MMP17: variants seen among roughly 807,000 people sequenced by gnomAD.
MMP17 encodes matrix metalloproteinase-17.
MMP17 carries 54 observed loss-of-function variants against 49.1 expected under a neutral mutation model. The ratio of observed to expected loss-of-function variants is 1.10; its 90% confidence interval spans 0.88 to 1.38. MMP17 has a LOEUF of 1.38. MMP17 is among the 40% of genes most tolerant of loss of function. The pLI, the probability that MMP17 is intolerant of heterozygous loss-of-function variation, is 0.00. For missense variants in MMP17, 837 were observed against 853.7 expected, an observed-to-expected ratio of 0.98 and a Z score of 0.24; for synonymous variants, 397 against 383.1, an observed-to-expected ratio of 1.04 and a Z score of -0.42.
At chr12:131,850,108 A>G (rs765122723) in intron 9 of MMP17, 49 bp downstream of exon 9, 1 of 1,544,434 alleles carries the variant, frequency 6.5e-7, no homozygotes, top group Non-Finnish European at 8.7e-7. Flanking sequence ...TTTCCCCACC[A>G]GGAGAGGGGC....
intron 8 of MMP17, among the ~76,000 whole-genome samples, chr12:131,849,294 G>C (rs1402505450): frequency 6.6e-6 from 1 of 152,130 alleles, no homozygotes; most frequent in African/African-American, 2.4e-5. Context: ...GACCAGCCTG[G>C]CCAACATGGT....
chr12:131,831,703 C>T (rs4964927), intron 1 of MMP17, among the ~76,000 whole-genome samples: 62,692 of 146,848 alleles, frequency 0.43, 13,631 homozygotes, highest in South Asian at 0.59. Flanking sequence ...CTTTGCCACC[C>T]AACTAAGTGC....
Position 131,846,764 on chromosome 12 carries a change from G to A in MMP17, c.1204+1315G>A, listed in dbSNP as rs929850218. ...TCACGTCCTGAGATTCTGGGTGGAT[G>A]TGAGTTTGGAGGACGTCATTCAATC... On this transcript the variant is annotated intron_variant, in intron 8 of 9. Coordinates refer to ENST00000360564, the MANE Select transcript of MMP17 (RefSeq NM_016155.7). The surrounding 1 kb of genome is among the most constrained non-coding windows in gnomAD (Gnocchi z 4.6). 9.2e-5 allele frequency among the ~76,000 whole-genome samples: 14 copies of A among 152,216 alleles called. No homozygotes were observed. Among genetic ancestry groups the A allele is most frequent in the African/African-American group, 2.4e-4 (10 of 41,460 alleles).
intron 6 of MMP17, 190 bp from the exon 7 acceptor site, chr12:131,844,928 C>G (rs777322323): frequency 6.5e-4 from 248 of 378,800 alleles, no homozygotes; most frequent in Admixed American, 1.3e-4. Flanking sequence ...TAGATCTCGG[C>G]CCCCGCCCGC....
intron 5 of MMP17, among the ~76,000 whole-genome samples, chr12:131,843,174 G>A (rs977450478): frequency 1.3e-5 from 2 of 151,380 alleles, no homozygotes; most frequent in Non-Finnish European, 2.9e-5. Context: ...TTCACTGTTA[G>A]CCAGGATGGT....
intron 1 of MMP17, among the ~76,000 whole-genome samples, chr12:131,835,506 T>TG (rs1268840038): frequency 6.6e-6 from 1 of 151,750 alleles, no homozygotes. Context: ...GGGACCAGAG[T>TG]GGGGGGTGCC....
chr12:131,828,440 C>G lies in MMP17; in HGVS notation c.-55C>G, dbSNP rs992859042. 3 of 962,652 alleles carry G rather than the reference C, an allele frequency of 3.1e-6. No individual in the cohort carries two copies. In the African/African-American group the frequency reaches 5.3e-5, roughly 17 times the overall value. 59.6% of individuals were successfully genotyped at this position (962,652 alleles called of 1,614,324 possible). On this transcript the variant is annotated 5_prime_UTR_variant, in exon 1 of 10. Coordinates refer to ENST00000360564, the MANE Select transcript of MMP17 (RefSeq NM_016155.7). ...GAGCGGAGGGCGCCGGGCTGCGGAA[C>G]GCGAAGCGGAGGGCGCGGGACCCTG... is the stretch of plus-strand genomic sequence containing the variant.
At chr12:131,838,549 G>A (rs2136319959) in intron 2 of MMP17, 63 bp from the exon 3 acceptor site, 1 of 1,547,672 alleles carries the variant, frequency 6.5e-7, no homozygotes, top group African/African-American at 1.4e-5. Flanking sequence ...CCTTGCGGAT[G>A]CTCGGGATCC....
chr12:131,843,731 C>T (rs548336187), intron 5 of MMP17, among the ~76,000 whole-genome samples: 2 of 152,328 alleles, frequency 1.3e-5, no homozygotes, highest in South Asian at 2.1e-4. Context: ...CCTGTGGGAA[C>T]GCCTGTCTTC....
rs745545673 is a variant in MMP17 at position 131,841,705 on chromosome 12, A to G, written c.788A>G (p.His263Arg). Reference sequence around the variant, plus strand: ...GGGTTAAGCCATGTGGCCGCTGCACACTCCATCATGCGGCCGTACTACCAG... The same window carrying G: ...GGGTTAAGCCATGTGGCCGCTGCACGCTCCATCATGCGGCCGTACTACCAG... ...AIGLSHVAAAHSIMRPYYQGP... is the reference protein window; with the variant it reads ...AIGLSHVAAARSIMRPYYQGP... The change falls in exon 5 of 10, where the codon CAC becomes CGC. Residue 263 changes from histidine (H) to arginine (R), a missense_variant. By Grantham distance (29) the His-to-Arg change is conservative. Coordinates refer to ENST00000360564, the MANE Select transcript of MMP17 (RefSeq NM_016155.7). The G allele has an allele frequency of 3.4e-5, 55 of 1,613,520 alleles. No homozygotes were observed. Among genetic ancestry groups the G allele is most frequent in the Non-Finnish European group, 4.6e-5 (54 of 1,179,912 alleles).
At chr12:131,838,798 G>A (rs1887226649) in intron 3 of MMP17, 57 bp downstream of exon 3, 1 of 1,516,608 alleles carries the variant, frequency 6.6e-7, no homozygotes, top group African/African-American at 1.4e-5. Context: ...CGCGTGGCCA[G>A]GGTGAGGAAC....
chr12:131,851,176 G>T lies in MMP17; in HGVS notation c.1714G>T (p.Gly572Trp). The T allele has an allele frequency of 6.7e-7, 1 of 1,481,794 alleles. No individual in the cohort carries two copies. The highest frequency in any genetic ancestry group is 9.0e-7 in the Non-Finnish European group (1 of 1,112,656). 91.8% of individuals were successfully genotyped at this position (1,481,794 alleles called of 1,614,324 possible). ...SCTSGASSPPGAPGPLVAATM... is the reference protein window; with the variant it reads ...SCTSGASSPPWAPGPLVAATM... The stretch of plus-strand genomic sequence containing the variant: ...CACCTCTGGGGCATCCTCTCCCCCG[G>T]GGGCCCCAGGCCCACTGGTGGCTGC... Residue 572 changes from glycine to tryptophan, a missense_variant, in exon 10 of 10, where the codon GGG becomes TGG. Physicochemically the swap from Gly to Trp is radical, Grantham distance 184. Coordinates refer to ENST00000360564, the MANE Select transcript of MMP17 (RefSeq NM_016155.7).
intron 1 of MMP17, among the ~76,000 whole-genome samples, chr12:131,831,726 T>A (rs990115562): frequency 3.5e-5 from 5 of 142,518 alleles, no homozygotes; most frequent in African/African-American, 1.3e-4. Context: ...GGCCTCAGTC[T>A]CCCTGTCTGC....
At position 131,828,512 on chromosome 12, in the gene MMP17, C is replaced by T. The variant is rs999705130; in HGVS notation, c.18C>T (p.Ala6=). MRRRA[A]RGPGPPPPGP... is the part of the protein sequence containing the mutation. The stretch of plus-strand genomic sequence containing the variant: ...TGAGCGCCATGCGGCGCCGCGCAGC[C>T]CGGGGACCCGGCCCGCCGCCCCCAG... The change falls in exon 1 of 10, where the codon GCC becomes GCT. Residue 6 remains alanine (A), a synonymous_variant. Coordinates refer to ENST00000360564, the MANE Select transcript of MMP17 (RefSeq NM_016155.7). The T allele has an allele frequency of 3.0e-6, 3 of 994,174 alleles. No homozygotes were observed. The highest frequency in any genetic ancestry group is 3.6e-6 in the Non-Finnish European group (3 of 837,052). The allele number at this position is 994,174 out of a possible 1,614,324, so 61.6% of individuals were successfully genotyped here. A position where few individuals can be genotyped will look rare whatever the true frequency, so the allele number is the denominator to read the frequency against.
chr12:131,829,238 G>A (rs1284288894), intron 1 of MMP17, among the ~76,000 whole-genome samples: 1 of 152,172 alleles, frequency 6.6e-6, no homozygotes, highest in Non-Finnish European at 1.5e-5. Context: ...CCCCAGGTCG[G>A]CCAGGCTGGC....
intron 5 of MMP17, among the ~76,000 whole-genome samples, chr12:131,842,551 A>G (rs973404358): frequency 6.6e-6 from 1 of 152,186 alleles, no homozygotes; most frequent in Admixed American, 6.5e-5. Flanking sequence ...AGGCGGGTGG[A>G]TCACTTGAGG....
chr12:131,828,984 G>A (rs1886656535), intron 1 of MMP17, among the ~76,000 whole-genome samples: 1 of 152,176 alleles, frequency 6.6e-6, no homozygotes, highest in Admixed American at 6.5e-5. Flanking sequence ...CGGAGCAGCC[G>A]GGCTGGGCGA....
intron 6 of MMP17, 100 bp from the exon 7 acceptor site, chr12:131,845,018 G>T: frequency 8.3e-7 from 1 of 1,209,030 alleles, no homozygotes; most frequent in Non-Finnish European, 1.2e-6. Context: ...ACACAAGGAT[G>T]CCTGTCCCAT....
At chr12:131,843,904 C>T (rs763124970) in intron 5 of MMP17, 93 bp from the exon 6 acceptor site, 6 of 907,834 alleles carry the variant, frequency 6.6e-6, no homozygotes, top group Admixed American at 3.0e-5. Flanking sequence ...TGAGTGGCCT[C>T]GGTTTCATCC....
Sources: gnomAD v4.1 joint callset for allele counts (sites outside exome capture counted in the v4.1 genomes callset) on GRCh38, gnomAD v4.1.1 for gene constraint, Gnocchi (gnomAD v3.1) non-coding constraint, MANE v1.5 for transcripts, NCBI Gene and HGNC (gene_info 2026-07-23, HGNC 2026-07-21) for gene names.